NLGN1: variants seen among roughly 807,000 people sequenced by gnomAD.
NLGN1 encodes the protein neuroligin 1.
NLGN1 carries 12 observed loss-of-function variants against 65.5 expected under a neutral mutation model. The ratio of observed to expected loss-of-function variants is 0.18; its 90% CI spans 0.12 to 0.30. The LOEUF (loss-of-function observed/expected upper bound fraction) is 0.30. Ranked by LOEUF, NLGN1 falls within the 10% of genes least tolerant of loss-of-function variation. The probability of loss-of-function intolerance (pLI) is 1.00; values close to 1 mark genes in which losing one functional copy is unlikely to be tolerated. For missense variants in NLGN1, 750 were observed against 1,007.1 expected (o/e 0.74, Z 3.46); for synonymous variants, 350 against 359.5 (o/e 0.97, Z 0.30).
downstream of NLGN1, among the ~76,000 whole-genome samples, chr3:174,290,176 A>G (rs1045627917): frequency 2.0e-5 from 3 of 150,852 alleles, no homozygotes; most frequent in South Asian, 2.1e-4. Flanking sequence ...GGAATAGCCA[A>G]GATTATTTTG....
At chr3:173,796,397 T>C (rs1714079534) in intron 3 of NLGN1, among the ~76,000 whole-genome samples, 1 of 152,162 alleles carries the variant, frequency 6.6e-6, no homozygotes, top group African/African-American at 2.4e-5. Flanking sequence ...CCAGAACCCA[T>C]ACTTTGAATT....
At chr3:173,511,760 A>G (rs1185604220) in intron 2 of NLGN1, among the ~76,000 whole-genome samples, 2 of 152,084 alleles carry the variant, frequency 1.3e-5, no homozygotes, top group African/African-American at 2.4e-5. Flanking sequence ...CCACTCTACT[A>G]TGAGTTTACT....
chr3:173,477,581 C>T (rs902521321), intron 2 of NLGN1, among the ~76,000 whole-genome samples: 2 of 151,948 alleles, frequency 1.3e-5, no homozygotes, highest in African/African-American at 2.4e-5. Flanking sequence ...TTAGTATTGA[C>T]AGATTTGTAA....
chr3:173,420,549 T>A (rs1714840529), intron 1 of NLGN1, among the ~76,000 whole-genome samples: 1 of 152,182 alleles, frequency 6.6e-6, no homozygotes, highest in Non-Finnish European at 1.5e-5. Context: ...CGTGTGCATG[T>A]GTCTTTATAG....
At chr3:173,860,396 T>C (rs1728823923) in intron 4 of NLGN1, among the ~76,000 whole-genome samples, 1 of 152,036 alleles carries the variant, frequency 6.6e-6, no homozygotes, top group Admixed American at 6.6e-5. Flanking sequence ...ATTTTACTGA[T>C]TTTTTTTCTA....
At chr3:174,219,970 G>C (rs1163907006) in intron 4 of NLGN1, among the ~76,000 whole-genome samples, 3 of 152,038 alleles carry the variant, frequency 2.0e-5, no homozygotes, top group Non-Finnish European at 4.4e-5. Context: ...TGGGAAGGCA[G>C]CAAAAAATAA....
chr3:173,556,823 G>A (rs1741786397), intron 2 of NLGN1, among the ~76,000 whole-genome samples: 1 of 151,774 alleles, frequency 6.6e-6, no homozygotes, highest in African/African-American at 2.4e-5. Flanking sequence ...AAAAATTGCT[G>A]TTGATTTCTA....
At chr3:174,198,376 C>T (rs763074994) in intron 4 of NLGN1, among the ~76,000 whole-genome samples, 1 of 152,142 alleles carries the variant, frequency 6.6e-6, no homozygotes, top group Non-Finnish European at 1.5e-5. Context: ...TTCTTGGTAG[C>T]TATATCTTTG....
chr3:173,554,944 C>A (rs1412471013), intron 2 of NLGN1, among the ~76,000 whole-genome samples: 1 of 151,910 alleles, frequency 6.6e-6, no homozygotes, highest in Admixed American at 6.6e-5. Flanking sequence ...TTGTTTTAGC[C>A]CTTCTAGGGG....
At chr3:174,291,157 C>G (rs1422570189), downstream of NLGN1, among the ~76,000 whole-genome samples, 1 of 147,460 alleles carries the variant, frequency 6.8e-6, no homozygotes, top group African/African-American at 2.5e-5. Flanking sequence ...TAAAAAGTTT[C>G]AAAAAAGAAG....
intron 4 of NLGN1, among the ~76,000 whole-genome samples, chr3:173,874,129 T>C (rs1731685465): frequency 6.6e-6 from 1 of 152,162 alleles, no homozygotes; most frequent in Admixed American, 6.6e-5. Flanking sequence ...TTTCACTTGT[T>C]TAAGCCACCC....
intron 2 of NLGN1, among the ~76,000 whole-genome samples, chr3:173,496,662 T>G (rs1730073201): frequency 6.6e-6 from 1 of 151,786 alleles, no homozygotes; most frequent in Admixed American, 6.6e-5. Flanking sequence ...AATATGAACA[T>G]AAATGTGGTT....
At chr3:174,143,448 T>A (rs1210375162) in intron 4 of NLGN1, among the ~76,000 whole-genome samples, 1 of 152,206 alleles carries the variant, frequency 6.6e-6, no homozygotes, top group Admixed American at 6.5e-5. Context: ...AAAGGGCATA[T>A]CTGGTCTCCC....
At chr3:173,498,404 T>C (rs932664439) in intron 2 of NLGN1, among the ~76,000 whole-genome samples, 1 of 151,868 alleles carries the variant, frequency 6.6e-6, no homozygotes, top group Non-Finnish European at 1.5e-5. Context: ...TATGGCTGCA[T>C]AGTATTCCAT....
At chr3:174,267,092 GACTA>G (rs150404199) in intron 4 of NLGN1, among the ~76,000 whole-genome samples, 45 of 152,230 alleles carry the variant, frequency 3.0e-4, no homozygotes, top group African/African-American at 9.9e-4. Flanking sequence ...AACTCAGAGG[GACTA>G]ACTAATTGAC....
At chr3:173,967,058 A>G (rs1204991099) in intron 4 of NLGN1, among the ~76,000 whole-genome samples, 1 of 152,232 alleles carries the variant, frequency 6.6e-6, no homozygotes, top group Admixed American at 6.5e-5. Context: ...GGTCAGCAAC[A>G]GCAGGATCCC....
At chr3:173,449,077 A>G (rs1720967279) in intron 2 of NLGN1, among the ~76,000 whole-genome samples, 1 of 151,664 alleles carries the variant, frequency 6.6e-6, no homozygotes, top group Non-Finnish European at 1.5e-5. Flanking sequence ...TTCTGCTCTG[A>G]TCTTAGTTAT....
At chr3:174,186,241 G>A (rs1469737133) in intron 4 of NLGN1, among the ~76,000 whole-genome samples, 1 of 152,016 alleles carries the variant, frequency 6.6e-6, no homozygotes, top group Non-Finnish European at 1.5e-5. Context: ...AAACAAACAT[G>A]ACTGTCTTAT....
intron 1 of NLGN1, among the ~76,000 whole-genome samples, chr3:173,418,271 A>G (rs1169147531): frequency 6.6e-6 from 1 of 151,640 alleles, no homozygotes; most frequent in Non-Finnish European, 1.5e-5. Flanking sequence ...TAATTTAACA[A>G]TTTATTGCTT....
Sources: gnomAD v4.1 joint callset for allele counts (sites outside exome capture counted in the v4.1 genomes callset) on GRCh38, gnomAD v4.1.1 for gene constraint, MANE v1.5 for transcripts, NCBI Gene and HGNC (gene_info 2026-07-23, HGNC 2026-07-21) for gene names.